The following SLC9A9 variants were observed in gnomAD, a reference collection of about 807,000 sequenced individuals.
SLC9A9 encodes solute carrier family 9 member A9.
Under a neutral mutation model 77.8 loss-of-function variants are expected in SLC9A9, and 62 were observed. That is an observed-to-expected ratio of 0.80 (90% CI 0.65 to 0.98). SLC9A9 has a LOEUF of 0.98. Ranked by LOEUF, SLC9A9 falls within the 50% of genes least tolerant of loss-of-function variation. The pLI is 0.00. For missense variants in SLC9A9, 775 were observed against 774.9 expected, an observed-to-expected ratio of 1.00 and a Z score of 0.00; for synonymous variants, 320 against 283.5, an observed-to-expected ratio of 1.13 and a Z score of -1.29.
chr3:143,705,298 G>A (rs1217456633), intron 4 of SLC9A9, among the ~76,000 whole-genome samples: 1 of 152,038 alleles, frequency 6.6e-6, no homozygotes, highest in Non-Finnish European at 1.5e-5. Context: ...AAGCTGGGAA[G>A]GGTAGTGGGG....
At chr3:143,573,979 CTATT>C (rs2037313115) in intron 8 of SLC9A9, 105 bp downstream of exon 8, 2 of 904,544 alleles carry the variant, frequency 2.2e-6, no homozygotes, top group Non-Finnish European at 1.8e-6. Flanking sequence ...TTCACATGCA[CTATT>C]TAAGAGAGAC....
At chr3:143,823,188 T>C (rs1241144939) in intron 2 of SLC9A9, among the ~76,000 whole-genome samples, 2 of 152,190 alleles carry the variant, frequency 1.3e-5, no homozygotes, top group African/African-American at 4.8e-5. Context: ...TAAACAGACC[T>C]AGTCTCTGCC....
chr3:143,782,566 C>T (rs533758094), intron 4 of SLC9A9, among the ~76,000 whole-genome samples: 2 of 152,310 alleles, frequency 1.3e-5, no homozygotes, highest in Admixed American at 1.3e-4. Context: ...AGAATTATCT[C>T]TCTCTACTAT....
At chr3:143,787,499 C>T (rs1868180) in intron 4 of SLC9A9, among the ~76,000 whole-genome samples, 38,875 of 152,050 alleles carry the variant, frequency 0.26, 5,884 homozygotes, top group East Asian at 0.47. Flanking sequence ...CATGCTTAAA[C>T]AAAATTGTTT....
intron 2 of SLC9A9, among the ~76,000 whole-genome samples, chr3:143,805,199 T>C (rs550713959): frequency 6.6e-6 from 1 of 152,104 alleles, no homozygotes; most frequent in Non-Finnish European, 1.5e-5. Context: ...CCATTTAGTT[T>C]CTCAATTCAT....
Position 143,471,945 on chromosome 3 carries a change from C to T in SLC9A9, c.1316-4755G>A, listed in dbSNP as rs140034221. 2.9e-3 allele frequency among the ~76,000 whole-genome samples: 436 copies of T among 152,306 alleles called. 9 individuals are homozygous for T. The highest frequency in any genetic ancestry group is 6.9e-4 in the Non-Finnish European group (47 of 68,020). On this transcript the variant is annotated intron_variant, in intron 11 of 15. Transcript: ENST00000316549. Reference sequence around the variant, plus strand: ...GAAAGCTTTCTAGCAAGCACTCGTGCTGCAGAAAATGTGCAGCTTCCTGTT... The same window carrying T: ...GAAAGCTTTCTAGCAAGCACTCGTGTTGCAGAAAATGTGCAGCTTCCTGTT...
chr3:143,461,112 T>C (rs1194725053), intron 12 of SLC9A9, among the ~76,000 whole-genome samples: 2 of 152,202 alleles, frequency 1.3e-5, no homozygotes, highest in Non-Finnish European at 2.9e-5. Context: ...TACAGCTTGA[T>C]GAAATGTTAC....
chr3:143,631,023 G>A lies in SLC9A9; in HGVS notation c.755+21232C>T, dbSNP rs1037348113. Among the ~76,000 whole-genome samples the A allele has an allele frequency of 1.2e-4, 19 of 152,096 alleles. 1 individual carries two copies. Among genetic ancestry groups the A allele is most frequent in the African/African-American group, 3.9e-4 (16 of 41,430 alleles). On this transcript the variant is annotated intron_variant, in intron 6 of 15. Coordinates refer to ENST00000316549, the MANE Select transcript of SLC9A9 (RefSeq NM_173653.4). Reference sequence around the variant, plus strand: ...TTGACAAGCCTGCAATCGGTCCCATGATTTCAGTCACTGATAAAAATATTA... The same window carrying A: ...TTGACAAGCCTGCAATCGGTCCCATAATTTCAGTCACTGATAAAAATATTA...
rs576080721 is a variant in SLC9A9 at position 143,289,582 on chromosome 3, C to G, written c.1605-20602G>C. ...TCAAGCATGGGTGCTACCTCCAACT[C>G]TTTCCTCTCCCTTCTGCACAACAGT... On this transcript the variant is annotated intron_variant, in intron 14 of 15. Coordinates refer to ENST00000316549, the MANE Select transcript of SLC9A9 (RefSeq NM_173653.4). Among the ~76,000 whole-genome samples the G allele has an allele frequency of 3.1e-3, 465 of 152,274 alleles. 2 individuals carry two copies. Among genetic ancestry groups the G allele is most frequent in the African/African-American group, 0.011 (455 of 41,544 alleles).
chr3:143,401,229 T>C (rs1458878485), intron 12 of SLC9A9, among the ~76,000 whole-genome samples: 1 of 152,148 alleles, frequency 6.6e-6, no homozygotes, highest in African/African-American at 2.4e-5. Flanking sequence ...TTGTCTGTGT[T>C]CTTCTATCAA....
chr3:143,370,386 T>C (rs2108489471), intron 13 of SLC9A9, among the ~76,000 whole-genome samples: 1 of 152,234 alleles, frequency 6.6e-6, no homozygotes, highest in African/African-American at 2.4e-5. Context: ...ATACCCATCT[T>C]ACAGATTGAA....
At chr3:143,793,599 T>A (rs567818119) in intron 4 of SLC9A9, among the ~76,000 whole-genome samples, 1 of 152,310 alleles carries the variant, frequency 6.6e-6, no homozygotes, top group African/African-American at 2.4e-5. Context: ...TATAGGGATG[T>A]TTATGAATTC....
intron 9 of SLC9A9, among the ~76,000 whole-genome samples, chr3:143,529,298 G>T (rs565110207): frequency 6.6e-6 from 1 of 152,304 alleles, no homozygotes; most frequent in Admixed American, 6.5e-5. Flanking sequence ...ACTGGAGAGA[G>T]AAAAAGTCCA....
At position 143,848,461 on chromosome 3, in the gene SLC9A9, C is replaced by A. The variant is rs2009877979; in HGVS notation, c.-139G>T. On this transcript the variant is annotated 5_prime_UTR_variant, in exon 1 of 16. Coordinates refer to ENST00000316549, the MANE Select transcript of SLC9A9 (RefSeq NM_173653.4). The stretch of plus-strand genomic sequence containing the variant: ...AGTTGCTACTTCACAAGCATTCTGC[C>A]CTGGCTTAGTATTCAGATGGCTTCT... The A allele has an allele frequency of 9.1e-7, 1 of 1,100,104 alleles. No individual in the cohort carries two copies. Among genetic ancestry groups the A allele is most frequent in the East Asian group, 2.5e-5 (1 of 39,958 alleles). 68.1% of individuals were successfully genotyped at this position (1,100,104 alleles called of 1,614,324 possible).
intron 14 of SLC9A9, among the ~76,000 whole-genome samples, chr3:143,336,375 A>G (rs1245913847): frequency 1.3e-5 from 2 of 152,194 alleles, no homozygotes; most frequent in African/African-American, 4.8e-5. Flanking sequence ...TGATTTAGCA[A>G]TCCCACTTCT....
intron 12 of SLC9A9, among the ~76,000 whole-genome samples, chr3:143,426,269 T>C (rs558923697): frequency 7.9e-5 from 12 of 152,342 alleles, no homozygotes; most frequent in African/African-American, 2.6e-4. Context: ...TACTGGCTCT[T>C]ATTGGCACAG....
chr3:143,283,191 G>A (rs1280477272), intron 14 of SLC9A9, among the ~76,000 whole-genome samples: 2 of 152,180 alleles, frequency 1.3e-5, no homozygotes, highest in African/African-American at 2.4e-5. Context: ...AATTCTTCTG[G>A]GAAAGGTATT....
chr3:143,598,804 T>C (rs1055857740), intron 6 of SLC9A9, among the ~76,000 whole-genome samples: 9 of 152,226 alleles, frequency 5.9e-5, no homozygotes, highest in African/African-American at 1.9e-4. Context: ...TCCTTTAATA[T>C]GGAGGGAGTT....
At chr3:143,630,425 T>G (rs949151204) in intron 6 of SLC9A9, among the ~76,000 whole-genome samples, 1 of 152,224 alleles carries the variant, frequency 6.6e-6, no homozygotes, top group Admixed American at 6.5e-5. Flanking sequence ...GAATTGTCTT[T>G]TTGCTCTGAA....
Sources: allele counts gnomAD v4.1 joint callset (sites outside exome capture counted in the v4.1 genomes callset), GRCh38; gene constraint gnomAD v4.1.1; transcripts MANE v1.5; gene names NCBI Gene and HGNC (gene_info 2026-07-23, HGNC 2026-07-21).